EML4: variants seen among roughly 807,000 people sequenced by gnomAD.
EML4 encodes EMAP like 4, also known as echinoderm microtubule-associated protein-like 4.
EML4 carries 72 observed loss-of-function variants against 129.0 expected under a neutral mutation model. The ratio of observed to expected loss-of-function variants is 0.56; its 90% CI spans 0.46 to 0.68. EML4 has a LOEUF of 0.68. EML4 is among the 30% of genes least tolerant of loss of function. The probability of loss-of-function intolerance (pLI) is 0.00; values close to 1 mark genes in which losing one functional copy is unlikely to be tolerated. For synonymous variants in EML4, 532 were observed against 405.0 expected (o/e 1.31, Z -3.77); for missense variants, 1,363 against 1,190.6 (o/e 1.14, Z -2.13).
chr2:42,236,910 T>G (rs1674713819), intron 1 of EML4, among the ~76,000 whole-genome samples: 1 of 152,214 alleles, frequency 6.6e-6, no homozygotes, highest in African/African-American at 2.4e-5. Flanking sequence ...AGATTATTAA[T>G]GAGGTGCTTG....
At chr2:42,272,817 G>A (rs1161484212) in intron 6 of EML4, among the ~76,000 whole-genome samples, 2 of 152,150 alleles carry the variant, frequency 1.3e-5, no homozygotes, top group Non-Finnish European at 2.9e-5. Flanking sequence ...GGCAGCTGGG[G>A]CTTTTTTCTT....
At chr2:42,209,967 C>T (rs767326899) in intron 1 of EML4, among the ~76,000 whole-genome samples, 1 of 151,852 alleles carries the variant, frequency 6.6e-6, no homozygotes, top group Non-Finnish European at 1.5e-5. Context: ...AACAAAAAAA[C>T]CAATAGACTT....
At chr2:42,248,804 A>G (rs1675579395) in intron 2 of EML4, among the ~76,000 whole-genome samples, 2 of 152,136 alleles carry the variant, frequency 1.3e-5, no homozygotes. Context: ...GCAGTTTATG[A>G]AATGGTTTGA....
intron 6 of EML4, among the ~76,000 whole-genome samples, chr2:42,275,616 C>G (rs891294029): frequency 5.3e-5 from 8 of 152,146 alleles, no homozygotes; most frequent in Non-Finnish European, 1.0e-4. Flanking sequence ...TACTCTATCA[C>G]TGATCAGATT....
At chr2:42,294,072 T>C (rs1667810490) in intron 11 of EML4, among the ~76,000 whole-genome samples, 1 of 152,246 alleles carries the variant, frequency 6.6e-6, no homozygotes, top group African/African-American at 2.4e-5. Context: ...GAGTAGATGA[T>C]TTTACTATAA....
In EML4 at chr2:42,169,487, G is replaced by A. The variant is rs1670120740; in HGVS notation, c.-125G>A. ...GCGAACGGACGGACGACGGAGGCGG[G>A]AGCCGGTAGCCGAGCCGGGCGACCT... On this transcript the variant is annotated 5_prime_UTR_variant, in exon 1 of 23. Transcript: ENST00000318522. 1.7e-5 allele frequency: 20 copies of A among 1,152,336 alleles called. No homozygotes were observed. Among genetic ancestry groups the A allele is most frequent in the Admixed American group, 5.3e-5 (2 of 37,384 alleles). 71.4% of individuals were successfully genotyped at this position (1,152,336 alleles called of 1,614,324 possible).
intron 1 of EML4, among the ~76,000 whole-genome samples, chr2:42,190,375 C>A (rs1384927765): frequency 6.6e-6 from 1 of 151,960 alleles, no homozygotes; most frequent in African/African-American, 2.4e-5. Context: ...GCAAAAGAAA[C>A]GGTAGGGTTT....
At chr2:42,174,153 A>T (rs1670436778) in intron 1 of EML4, among the ~76,000 whole-genome samples, 2 of 152,108 alleles carry the variant, frequency 1.3e-5, no homozygotes, top group African/African-American at 4.8e-5. Context: ...AACATGTAAA[A>T]CTTCAATATT....
At chr2:42,302,978 T>C in intron 14 of EML4, 126 bp from the exon 15 acceptor site, 1 of 771,334 alleles carries the variant, frequency 1.3e-6, no homozygotes, top group South Asian at 1.8e-5. Flanking sequence ...AGTATGAGAT[T>C]ACCATATCCA....
At chr2:42,304,886 A>G (rs1013608300) in intron 17 of EML4, among the ~76,000 whole-genome samples, 8 of 152,206 alleles carry the variant, frequency 5.3e-5, no homozygotes, top group Admixed American at 4.6e-4. Flanking sequence ...TGGGAGGCCA[A>G]GGTGGGCGGA....
intron 1 of EML4, among the ~76,000 whole-genome samples, chr2:42,223,557 C>T (rs886660307): frequency 6.6e-6 from 1 of 152,082 alleles, no homozygotes; most frequent in African/African-American, 2.4e-5. Context: ...TTTACTGTAG[C>T]AGGTCATCTT....
intron 19 of EML4, among the ~76,000 whole-genome samples, chr2:42,320,458 C>G (rs1355141815): frequency 1.3e-5 from 2 of 152,096 alleles, no homozygotes; most frequent in Non-Finnish European, 2.9e-5. Context: ...TCCTAACCAT[C>G]TCACCTACTA....
At chr2:42,194,347 C>CTTTTTT (rs34026132) in intron 1 of EML4, among the ~76,000 whole-genome samples, 2 of 126,814 alleles carry the variant, frequency 1.6e-5, no homozygotes, top group East Asian at 2.3e-4. Context: ...CTCTCTCTCT[C>CTTTTTT]TTTTTTTTTT....
At chr2:42,311,930 G>C (rs1668975954) in intron 17 of EML4, among the ~76,000 whole-genome samples, 1 of 152,082 alleles carries the variant, frequency 6.6e-6, no homozygotes. Context: ...GTCTGGTTTT[G>C]AATTCCTGTG....
At chr2:42,269,020 C>T (rs10460503) in intron 6 of EML4, among the ~76,000 whole-genome samples, 34,603 of 152,038 alleles carry the variant, frequency 0.23, 4,783 homozygotes, top group East Asian at 0.56. Context: ...TGCTGCCTCC[C>T]TGCTCTAGGA....
At chr2:42,171,058 C>G (rs1229877898) in intron 1 of EML4, among the ~76,000 whole-genome samples, 2 of 152,212 alleles carry the variant, frequency 1.3e-5, no homozygotes, top group Non-Finnish European at 2.9e-5. Context: ...TTACTCTTTC[C>G]TCCTCAAAGG....
At chr2:42,263,780 A>G (rs1260402996) in intron 5 of EML4, among the ~76,000 whole-genome samples, 2 of 151,582 alleles carry the variant, frequency 1.3e-5, no homozygotes, top group Non-Finnish European at 2.9e-5. Context: ...GCCAGGCTGG[A>G]GTGCAGTGGC....
chr2:42,293,145 G>A (rs1226981787), intron 11 of EML4, among the ~76,000 whole-genome samples: 14 of 151,354 alleles, frequency 9.2e-5, no homozygotes, highest in East Asian at 1.9e-4. Context: ...GGTCTCACGC[G>A]TCACCCAGGC....
chr2:42,304,590 G>C (rs375619514), intron 17 of EML4, 39 bp downstream of exon 17: 1 of 1,481,676 alleles, frequency 6.7e-7, no homozygotes. Context: ...TGAAGTGGTG[G>C]GATGTTTAAA....
Sources: gnomAD v4.1 joint callset for allele counts (sites outside exome capture counted in the v4.1 genomes callset) on GRCh38, gnomAD v4.1.1 for gene constraint, MANE v1.5 for transcripts, NCBI Gene and HGNC (gene_info 2026-07-23, HGNC 2026-07-21) for gene names.